RBFOX1: variants seen among roughly 807,000 people sequenced by gnomAD.
RBFOX1 encodes the protein RNA binding protein fox-1 homolog 1.
Under a neutral mutation model 57.7 loss-of-function variants are expected in RBFOX1, and 8 were observed. The ratio of observed to expected loss-of-function variants is 0.14; its 90% confidence interval spans 0.08 to 0.25. RBFOX1 has a LOEUF of 0.25. Among genes scored for constraint, RBFOX1 ranks in the 10% least tolerant of loss-of-function variants. The pLI is 1.00. For synonymous variants in RBFOX1, 326 were observed against 222.4 expected, an observed-to-expected ratio of 1.47 and a Z score of -4.15; for missense variants, 611 against 548.5, an observed-to-expected ratio of 1.11 and a Z score of -1.14.
At chr16:6,864,136 A>G (rs1303332204) in intron 3 of RBFOX1, among the ~76,000 whole-genome samples, 2 of 152,108 alleles carry the variant, frequency 1.3e-5, no homozygotes, top group Admixed American at 6.5e-5. Context: ...TTTAGCAGGA[A>G]GAAGGAGGGG....
chr16:5,794,718 C>G (rs1444038120), intron 3 of RBFOX1, among the ~76,000 whole-genome samples: 1 of 152,172 alleles, frequency 6.6e-6, no homozygotes, highest in Non-Finnish European at 1.5e-5. Context: ...AAGAAACTTA[C>G]AAATAAAGCT....
chr16:5,271,820 G>C (rs930013880), intron 1 of RBFOX1, among the ~76,000 whole-genome samples: 1 of 152,118 alleles, frequency 6.6e-6, no homozygotes, highest in Admixed American at 6.5e-5. Flanking sequence ...AACTTCTTTA[G>C]ATTCCACATG....
intron 1 of RBFOX1, among the ~76,000 whole-genome samples, chr16:5,428,039 T>C (rs2067615734): frequency 6.6e-6 from 1 of 152,120 alleles, no homozygotes; most frequent in South Asian, 2.1e-4. Flanking sequence ...ACTGTGTAGG[T>C]AGCTTTGCCC....
intron 4 of RBFOX1, among the ~76,000 whole-genome samples, chr16:7,066,936 T>C (rs978767169): frequency 1.7e-4 from 26 of 152,328 alleles, no homozygotes; most frequent in African/African-American, 5.8e-4. Flanking sequence ...TGTGGTAGTT[T>C]ATATACCAAA....
chr16:5,501,972 C>G (rs368380512), intron 2 of RBFOX1, among the ~76,000 whole-genome samples: 6 of 152,212 alleles, frequency 3.9e-5, no homozygotes, highest in African/African-American at 1.4e-4. Flanking sequence ...ATCCTCCCAC[C>G]TTGGCCTCCC....
intron 4 of RBFOX1, among the ~76,000 whole-genome samples, chr16:7,371,359 C>T (rs556762081): frequency 6.4e-4 from 98 of 152,172 alleles, no homozygotes; most frequent in South Asian, 1.9e-3. Context: ...TAACGGAAGA[C>T]GGGAAATGAA....
At chr16:5,835,129 C>G (rs1208441793) in intron 3 of RBFOX1, among the ~76,000 whole-genome samples, 1 of 152,146 alleles carries the variant, frequency 6.6e-6, no homozygotes, top group Non-Finnish European at 1.5e-5. Flanking sequence ...GGACCCCCCC[C>G]AGAAGTATAA....
At chr16:6,033,046 C>T (rs113037108) in intron 1 of RBFOX1, among the ~76,000 whole-genome samples, 1 of 151,962 alleles carries the variant, frequency 6.6e-6, no homozygotes. Context: ...TGGGTATGGC[C>T]TTGTCGTTTG....
intron 4 of RBFOX1, among the ~76,000 whole-genome samples, chr16:7,341,314 T>C (rs2096886282): frequency 6.6e-6 from 1 of 152,152 alleles, no homozygotes; most frequent in Non-Finnish European, 1.5e-5. Context: ...AGATTGAGCT[T>C]TTCAGGCTTG....
chr16:7,200,971 A>C (rs1301415883), intron 4 of RBFOX1, among the ~76,000 whole-genome samples: 2 of 152,238 alleles, frequency 1.3e-5, no homozygotes, highest in African/African-American at 4.8e-5. Context: ...AACTTCTTGT[A>C]TGGGAGAGAA....
chr16:6,842,157 AAT>A (rs1397356434), intron 3 of RBFOX1, among the ~76,000 whole-genome samples: 3 of 88,724 alleles, frequency 3.4e-5, no homozygotes, highest in African/African-American at 1.4e-4. Flanking sequence ...AAAAATAAAA[AAT>A]AAATAAATAA....
intron 4 of RBFOX1, among the ~76,000 whole-genome samples, chr16:5,945,997 A>C (rs993142335): frequency 6.6e-6 from 1 of 152,192 alleles, no homozygotes; most frequent in Non-Finnish European, 1.5e-5. Context: ...GAACATCCAC[A>C]CCGGCGTCCA....
At chr16:6,892,788 C>CTT (rs2065814824) in intron 3 of RBFOX1, among the ~76,000 whole-genome samples, 1 of 76,468 alleles carries the variant, frequency 1.3e-5, no homozygotes, top group South Asian at 3.6e-4. Context: ...CTCTCTCTCT[C>CTT]TCTCTCTCTC....
intron 2 of RBFOX1, among the ~76,000 whole-genome samples, chr16:5,584,490 A>G (rs1348231523): frequency 2.0e-5 from 3 of 152,116 alleles, no homozygotes; most frequent in Non-Finnish European, 4.4e-5. Context: ...CCACTTGCAA[A>G]TGGACATTTT....
rs189120679 is a variant in RBFOX1, at chr16:7,265,919, C to T, written c.27+213821C>T. ...GGAATGGGTTCTTCCTTGCTTGGTG[C>T]TGTCTTCACGACAGTGAGTGAGTTA... On this transcript the variant is annotated intron_variant, in intron 4 of 15. Coordinates refer to ENST00000550418, the MANE Select transcript of RBFOX1 (RefSeq NM_018723.4). 2.1e-5 allele frequency among the ~76,000 whole-genome samples: 3 copies of T among 143,152 alleles called. No homozygotes were observed. In the Admixed American group the frequency reaches 2.1e-4, roughly 10 times the overall value. The allele number at this position is 143,152 out of a possible 152,430, so 93.9% of individuals were successfully genotyped here.
At chr16:5,560,659 A>G (rs553351356) in intron 2 of RBFOX1, among the ~76,000 whole-genome samples, 22 of 152,168 alleles carry the variant, frequency 1.4e-4, no homozygotes, top group African/African-American at 5.3e-4. Context: ...TTATTCCTTC[A>G]TTTTTATCCA....
chr16:5,536,949 T>C (rs2044723350), intron 2 of RBFOX1, among the ~76,000 whole-genome samples: 1 of 152,308 alleles, frequency 6.6e-6, no homozygotes, highest in East Asian at 1.9e-4. Flanking sequence ...TATTTTTCTT[T>C]GCACATAACT....
chr16:7,707,250 C>T (rs566157836), intron 14 of RBFOX1, among the ~76,000 whole-genome samples: 5 of 152,198 alleles, frequency 3.3e-5, no homozygotes, highest in Admixed American at 6.5e-5. Flanking sequence ...TGTTTTATTC[C>T]ACCTAGGGTC....
chr16:5,707,574 A>G (rs752099796), intron 3 of RBFOX1, among the ~76,000 whole-genome samples: 9 of 152,198 alleles, frequency 5.9e-5, no homozygotes, highest in African/African-American at 1.7e-4. Flanking sequence ...CCTTCCCCCA[A>G]CACTCCAGCT....
Sources: allele counts gnomAD v4.1 joint callset (sites outside exome capture counted in the v4.1 genomes callset), GRCh38; gene constraint gnomAD v4.1.1; transcripts MANE v1.5; gene names NCBI Gene and HGNC (gene_info 2026-07-23, HGNC 2026-07-21).